RIMS2: variants seen among roughly 807,000 people sequenced by gnomAD.
RIMS2 encodes regulating synaptic membrane exocytosis 2.
In RIMS2, 59 loss-of-function variants were observed where a neutral mutation model predicts 174.4. The ratio of observed to expected loss-of-function variants is 0.34; its 90% confidence interval spans 0.27 to 0.42. RIMS2 has a LOEUF of 0.42. Among genes scored for constraint, RIMS2 ranks in the 10% least tolerant of loss-of-function variants. The pLI is 1.00. For missense variants in RIMS2, 1,620 were observed against 1,666.3 expected, an observed-to-expected ratio of 0.97 and a Z score of 0.48; for synonymous variants, 606 against 572.5, an observed-to-expected ratio of 1.06 and a Z score of -0.84.
intron 2 of RIMS2, among the ~76,000 whole-genome samples, chr8:103,728,234 A>T (rs978318028): frequency 4.0e-4 from 61 of 151,616 alleles, no homozygotes; most frequent in Admixed American, 1.1e-3. Flanking sequence ...TCTTTTTCAG[A>T]TTTTTTACTG....
intron 17 of RIMS2, among the ~76,000 whole-genome samples, chr8:104,003,633 C>G (rs751272869): frequency 6.6e-6 from 1 of 152,076 alleles, no homozygotes; most frequent in Non-Finnish European, 1.5e-5. Context: ...AGGCTAGTCT[C>G]GAACTCCTGA....
chr8:103,732,869 G>C (rs927719352), intron 2 of RIMS2, among the ~76,000 whole-genome samples: 1 of 152,158 alleles, frequency 6.6e-6, no homozygotes, highest in African/African-American at 2.4e-5. Context: ...GGGAGGTCCA[G>C]GGTCAAGGAG....
chr8:103,541,859 A>G (rs932546767), intron 1 of RIMS2, among the ~76,000 whole-genome samples: 9 of 152,240 alleles, frequency 5.9e-5, no homozygotes, highest in Non-Finnish European at 1.0e-4. Context: ...TTTAGTTGTT[A>G]TTATGTTAAA....
Position 103,564,103 on chromosome 8 carries a change from A to G in RIMS2, c.176+63041A>G, listed in dbSNP as rs112397319. On this transcript the variant is annotated intron_variant, in intron 1 of 23. Coordinates refer to ENST00000504942, the Ensembl canonical transcript of RIMS2. ...GCACTGCAGTGTCTAAGTCTGTTGC[A>G]TACTCTTGGTCTTAATTCTCCTGCA... 3.0e-4 allele frequency among the ~76,000 whole-genome samples: 45 copies of G among 152,290 alleles called. 1 individual carries two copies. Among genetic ancestry groups the G allele is most frequent in the African/African-American group, 1.0e-3 (43 of 41,558 alleles).
chr8:103,786,170 T>C (rs2098441815), intron 3 of RIMS2, among the ~76,000 whole-genome samples: 1 of 152,214 alleles, frequency 6.6e-6, no homozygotes, highest in Admixed American at 6.5e-5. Context: ...CTTCCATCTT[T>C]ATTCGTCTTG....
chr8:104,199,701 A>T (rs1007094113), intron 19 of RIMS2, among the ~76,000 whole-genome samples: 6 of 152,212 alleles, frequency 3.9e-5, no homozygotes, highest in Admixed American at 3.3e-4. Context: ...GACAGACAGT[A>T]TATCAATAAG....
chr8:104,027,174 G>T (rs1248646718), intron 19 of RIMS2, among the ~76,000 whole-genome samples: 1 of 152,094 alleles, frequency 6.6e-6, no homozygotes, highest in Non-Finnish European at 1.5e-5. Flanking sequence ...TCAGTCATCC[G>T]GTATTTGATG....
chr8:103,500,944 C>A lies in RIMS2; in HGVS notation c.58C>A (p.Pro20Thr), dbSNP rs1265522736. ...GGCTCCCATCCCGGCGGCCTCTCAG[C>A]CGCCTCTGCAGCCCGAGATGCCTGA... The change falls in exon 1 of 24, where the codon CCG becomes ACG. Residue 20 changes from proline to threonine, a missense_variant. Pro to Thr is a conservative substitution (Grantham distance 38). Around this residue, in one of 2 missense-constraint regions of RIMS2, gnomAD observed 1,395 missense variants for 1,360.1 expected, o/e 1.03. Transcript: ENST00000504942. 15 of 1,608,750 alleles carry A rather than the reference C, an allele frequency of 9.3e-6. No individual in the cohort carries two copies. Among genetic ancestry groups the A allele is most frequent in the Admixed American group, 1.7e-5 (1 of 59,668 alleles).
intron 1 of RIMS2, among the ~76,000 whole-genome samples, chr8:103,606,723 T>A (rs1458435042): frequency 6.6e-6 from 1 of 152,156 alleles, no homozygotes; most frequent in African/African-American, 2.4e-5. Context: ...AGTTAGCTCT[T>A]CTTGTTGAAT....
chr8:103,535,930 C>T (rs1441007313), intron 1 of RIMS2, among the ~76,000 whole-genome samples: 3 of 152,150 alleles, frequency 2.0e-5, no homozygotes, highest in South Asian at 4.1e-4. Context: ...AGGTGGAACT[C>T]AGAGTTCAAG....
intron 15 of RIMS2, 93 bp downstream of exon 17, chr8:103,961,226 A>G: frequency 1.4e-6 from 1 of 726,238 alleles, no homozygotes; most frequent in South Asian, 1.6e-5. Flanking sequence ...AGAAAGATAT[A>G]ACTCGTCTTC....
chr8:103,886,802 G>T (rs944501688), intron 4 of RIMS2, among the ~76,000 whole-genome samples: 1 of 151,036 alleles, frequency 6.6e-6, no homozygotes, highest in African/African-American at 2.4e-5. Flanking sequence ...CAAGCCATTA[G>T]ATGTTCTTTA....
chr8:103,509,642 T>G (rs187755407), intron 1 of RIMS2, among the ~76,000 whole-genome samples: 211 of 152,182 alleles, frequency 1.4e-3, no homozygotes, highest in African/African-American at 4.9e-3. Flanking sequence ...GGGAGATAAA[T>G]TTTATTGGGT....
chr8:104,125,631 A>G (rs1326513319), intron 19 of RIMS2, among the ~76,000 whole-genome samples: 1 of 152,190 alleles, frequency 6.6e-6, no homozygotes, highest in Non-Finnish European at 1.5e-5. Context: ...AAATGATCCT[A>G]GAGAATAATT....
At chr8:104,059,306 T>C (rs1184510620) in intron 19 of RIMS2, among the ~76,000 whole-genome samples, 6 of 149,384 alleles carry the variant, frequency 4.0e-5, no homozygotes, top group Admixed American at 1.3e-4. Context: ...GTTGGATTCC[T>C]AGGTATTTTA....
chr8:103,921,433 C>T (rs959662600), intron 9 of RIMS2, among the ~76,000 whole-genome samples: 2 of 152,110 alleles, frequency 1.3e-5, no homozygotes, highest in African/African-American at 4.8e-5. Flanking sequence ...AGGTCTGTCT[C>T]TACTATAACT....
chr8:103,649,121 G>C (rs2096400988), intron 1 of RIMS2, among the ~76,000 whole-genome samples: 1 of 152,128 alleles, frequency 6.6e-6, no homozygotes, highest in East Asian at 1.9e-4. Context: ...AGGAGCTCTT[G>C]CAAGGCAGGC....
At chr8:103,723,899 G>A (rs1363253396) in intron 2 of RIMS2, among the ~76,000 whole-genome samples, 1 of 152,154 alleles carries the variant, frequency 6.6e-6, no homozygotes, top group Non-Finnish European at 1.5e-5. Context: ...TTCACTGTCG[G>A]GGAGCCTGGA....
At chr8:103,696,896 C>G (rs2097110177) in intron 1 of RIMS2, among the ~76,000 whole-genome samples, 190 bp from the exon 4 acceptor site, 1 of 136,050 alleles carries the variant, frequency 7.4e-6, no homozygotes, top group Non-Finnish European at 1.6e-5. Flanking sequence ...GAAGGTAGAA[C>G]TAGTTGCAAT....
Sources: gnomAD v4.1 joint callset for allele counts (sites outside exome capture counted in the v4.1 genomes callset) on GRCh38, gnomAD v4.1.1 for gene constraint, gnomAD v4.1.1 regional missense constraint, MANE v1.5 for transcripts, NCBI Gene and HGNC (gene_info 2026-07-23, HGNC 2026-07-21) for gene names.